Variants in NXPH2 observed in about 807,000 individuals in gnomAD.
NXPH2 encodes the protein neurexophilin 2.
A neutral mutation model predicts 19.8 loss-of-function variants in NXPH2; 5 were observed. The ratio of observed to expected loss-of-function variants is 0.25; its 90% CI spans 0.13 to 0.53. The LOEUF (loss-of-function observed/expected upper bound fraction) is 0.53. Among genes scored for constraint, NXPH2 ranks in the 20% least tolerant of loss-of-function variants. The probability of loss-of-function intolerance (pLI) is 0.96; values close to 1 mark genes in which losing one functional copy is unlikely to be tolerated. For missense variants in NXPH2, 289 were observed against 322.8 expected (o/e 0.90, Z 0.80); for synonymous variants, 154 against 127.4 (o/e 1.21, Z -1.41).
intron 1 of NXPH2, among the ~76,000 whole-genome samples, chr2:138,702,812 T>C (rs1197607773): frequency 6.6e-6 from 1 of 152,152 alleles, no homozygotes; most frequent in African/African-American, 2.4e-5. Flanking sequence ...TTTTTAAATC[T>C]TTGAGCAGAC....
intron 1 of NXPH2, among the ~76,000 whole-genome samples, chr2:138,695,838 A>T (rs974644260): frequency 1.3e-5 from 2 of 152,162 alleles, no homozygotes; most frequent in African/African-American, 2.4e-5. Context: ...TGTGGTAAGC[A>T]GATAAGTATC....
At chr2:138,684,037 A>C (rs971230565) in intron 1 of NXPH2, among the ~76,000 whole-genome samples, 2 of 152,254 alleles carry the variant, frequency 1.3e-5, no homozygotes, top group African/African-American at 2.4e-5. Flanking sequence ...TGTGCATTTG[A>C]AACTGATAAT....
At chr2:138,682,868 C>T (rs1680598265) in intron 1 of NXPH2, among the ~76,000 whole-genome samples, 1 of 152,192 alleles carries the variant, frequency 6.6e-6, no homozygotes, top group Non-Finnish European at 1.5e-5. Context: ...AGTACACACA[C>T]ACATGCATGC....
At chr2:138,681,247 G>A (rs1431815651) in intron 1 of NXPH2, among the ~76,000 whole-genome samples, 1 of 152,168 alleles carries the variant, frequency 6.6e-6, no homozygotes, top group Non-Finnish European at 1.5e-5. Context: ...TTATAGGTGT[G>A]TTAAAAATAT....
intron 1 of NXPH2, among the ~76,000 whole-genome samples, chr2:138,686,185 T>C (rs1023071715): frequency 2.6e-5 from 4 of 152,176 alleles, no homozygotes; most frequent in African/African-American, 9.7e-5. Context: ...TTTCCTGGCA[T>C]CTGGAATTAT....
intron 1 of NXPH2, among the ~76,000 whole-genome samples, chr2:138,687,172 G>A (rs1341644523): frequency 1.3e-5 from 2 of 152,200 alleles, no homozygotes; most frequent in East Asian, 3.8e-4. Flanking sequence ...CCCACCAACA[G>A]TGTAAAAATG....
chr2:138,715,547 C>G (rs764595628), intron 1 of NXPH2, among the ~76,000 whole-genome samples: 7 of 152,178 alleles, frequency 4.6e-5, no homozygotes, highest in Non-Finnish European at 1.0e-4. Context: ...CAAGTGCTTT[C>G]TCCTCTGAAT....
At chr2:138,690,692 G>A (rs995419990) in intron 1 of NXPH2, among the ~76,000 whole-genome samples, 4 of 151,892 alleles carry the variant, frequency 2.6e-5, no homozygotes, top group African/African-American at 9.7e-5. Flanking sequence ...TACTTACAGT[G>A]TCCTGTAACA....
chr2:138,771,354 C>T (rs932001033), intron 1 of NXPH2, among the ~76,000 whole-genome samples: 2 of 151,832 alleles, frequency 1.3e-5, no homozygotes, highest in African/African-American at 4.8e-5. Flanking sequence ...TAAAAGCATA[C>T]ATATCCATAA....
intron 1 of NXPH2, among the ~76,000 whole-genome samples, chr2:138,703,947 C>G (rs1312509667): frequency 1.3e-5 from 2 of 152,212 alleles, no homozygotes; most frequent in Admixed American, 6.5e-5. Flanking sequence ...CATTCACAGG[C>G]TTTTCCTGCG....
At chr2:138,725,837 A>T (rs894549988) in intron 1 of NXPH2, among the ~76,000 whole-genome samples, 5 of 152,180 alleles carry the variant, frequency 3.3e-5, no homozygotes, top group Non-Finnish European at 7.3e-5. Flanking sequence ...AGAATTTTCA[A>T]ATGCATAGGT....
chr2:138,712,558 A>G (rs59906370), intron 1 of NXPH2, among the ~76,000 whole-genome samples: 4,391 of 152,124 alleles, frequency 0.029, 204 homozygotes, highest in African/African-American at 0.1. Flanking sequence ...GCTTCCCCCA[A>G]ATTCGGTGGC....
intron 1 of NXPH2, among the ~76,000 whole-genome samples, chr2:138,771,377 C>T (rs1436885024): frequency 2.6e-5 from 4 of 151,692 alleles, no homozygotes; most frequent in African/African-American, 7.3e-5. Context: ...TCTGGAAAGA[C>T]ATACGTTAAA....
At chr2:138,684,948 G>A (rs2104971737) in intron 1 of NXPH2, among the ~76,000 whole-genome samples, 1 of 152,192 alleles carries the variant, frequency 6.6e-6, no homozygotes, top group Admixed American at 6.5e-5. Context: ...TCAACAAGAG[G>A]GCTTTCCACA....
At chr2:138,746,268 T>C (rs867861086) in intron 1 of NXPH2, among the ~76,000 whole-genome samples, 1 of 152,358 alleles carries the variant, frequency 6.6e-6, no homozygotes, top group Middle Eastern at 3.4e-3. Flanking sequence ...CTCTGTTATC[T>C]GCCTGTGCTT....
intron 1 of NXPH2, among the ~76,000 whole-genome samples, chr2:138,688,612 T>C (rs1311700105): frequency 2.0e-5 from 3 of 152,208 alleles, no homozygotes; most frequent in Non-Finnish European, 4.4e-5. Context: ...AAGATACCAG[T>C]ACCATTTATT....
intron 1 of NXPH2, among the ~76,000 whole-genome samples, chr2:138,675,953 A>G (rs1486059307): frequency 6.3e-5 from 2 of 31,624 alleles, no homozygotes; most frequent in East Asian, 1.5e-3. Context: ...ATATATATAC[A>G]TATGTGTGTG....
intron 1 of NXPH2, among the ~76,000 whole-genome samples, chr2:138,740,349 C>T (rs760780248): frequency 2.6e-5 from 4 of 152,172 alleles, no homozygotes; most frequent in Admixed American, 6.5e-5. Context: ...TGAAATGGTG[C>T]TCTGTTTTTT....
intron 1 of NXPH2, among the ~76,000 whole-genome samples, chr2:138,741,437 A>G (rs912720860): frequency 1.1e-4 from 16 of 152,188 alleles, no homozygotes; most frequent in Non-Finnish European, 1.5e-4. Flanking sequence ...AGAGAATGCT[A>G]GAAAAACAGG....
Sources: gnomAD v4.1 joint callset for allele counts (sites outside exome capture counted in the v4.1 genomes callset) on GRCh38, gnomAD v4.1.1 for gene constraint, MANE v1.5 for transcripts, NCBI Gene and HGNC (gene_info 2026-07-23, HGNC 2026-07-21) for gene names.